The following SLC25A17 variants were observed in gnomAD, a reference collection of about 807,000 sequenced individuals.
SLC25A17 encodes peroxisomal membrane protein PMP34.
SLC25A17 carries 26 observed loss-of-function variants against 38.5 expected under a neutral mutation model. The observed-to-expected ratio is 0.68, with a 90% CI of 0.50 to 0.94. The LOEUF (loss-of-function observed/expected upper bound fraction) is 0.94, where lower values mean the gene tolerates loss of function less well. Ranked by LOEUF, SLC25A17 falls within the 40% of genes least tolerant of loss-of-function variation. The probability of loss-of-function intolerance (pLI) is 0.00; values close to 1 mark genes in which losing one functional copy is unlikely to be tolerated. For missense variants in SLC25A17, 333 were observed against 372.7 expected, an observed-to-expected ratio of 0.89 and a Z score of 0.88; for synonymous variants, 139 against 136.2, an observed-to-expected ratio of 1.02 and a Z score of -0.14.
In SLC25A17 at chr22:40,773,950, G is replaced by A. The variant is rs374562777; in HGVS notation, c.763C>T (p.His255Tyr). Residue 255 changes from histidine (H) to tyrosine (Y), a missense_variant, in exon 8 of 9, where the codon CAC becomes TAC. His to Tyr is a moderately conservative substitution (Grantham distance 83, BLOSUM62 2). Transcript: ENST00000435456. The part of the protein sequence containing the change: ...GSLRNILYLL[H>Y]QRVRRFGIMG... ...TACAAAGCTCACCTTACTCGTTGGTGAAGAAGATAGAGAATATTCCGAAGA... is the reference window on the plus strand; with the variant it reads ...TACAAAGCTCACCTTACTCGTTGGTAAAGAAGATAGAGAATATTCCGAAGA... The A allele has an allele frequency of 8.1e-6, 13 of 1,608,924 alleles. No individual in the cohort carries two copies. The highest frequency in any genetic ancestry group is 1.3e-5 in the African/African-American group (1 of 74,816).
At chr22:40,797,472 T>G (rs903115987) in intron 2 of SLC25A17, 1 of 428,102 alleles carries the variant, frequency 2.3e-6, no homozygotes, top group African/African-American at 2.1e-5. Context: ...TGCCTCTTCT[T>G]TTGACACCAT....
At chr22:40,787,656 T>C (rs1468157628) in intron 4 of SLC25A17, among the ~76,000 whole-genome samples, 1 of 152,130 alleles carries the variant, frequency 6.6e-6, no homozygotes, top group African/African-American at 2.4e-5. Flanking sequence ...AAAACAGACT[T>C]AGAGTTTCAG....
chr22:40,797,428 G>A (rs1417917174), intron 2 of SLC25A17: 21 of 553,880 alleles, frequency 3.8e-5, no homozygotes, highest in Non-Finnish European at 6.9e-5. Context: ...ATTAGCAATG[G>A]CATTGAGTAT....
rs118073679 is a variant in SLC25A17, at chr22:40,814,196, A to G, written c.54+4999T>C. Among the ~76,000 whole-genome samples, 24 of 152,356 alleles carry G rather than the reference A, an allele frequency of 1.6e-4. No homozygotes were observed. The East Asian group carries it at 4.6e-3, about 29-fold the overall frequency. On this transcript the variant is annotated intron_variant, in intron 1 of 8. Transcript: ENST00000435456. ...GTCCTTACCAGAAGACTCTGTGACC[A>G]TAAAAAGAACAGGACTTAAAAAACT...
At chr22:40,794,375 T>A (rs6002138) in intron 3 of SLC25A17, 139 bp downstream of exon 3, 1 of 555,906 alleles carries the variant, frequency 1.8e-6, no homozygotes, top group East Asian at 3.0e-5. Flanking sequence ...AAAACAATTA[T>A]GTACTTATAA....
chr22:40,810,571 T>C (rs2057571303), intron 1 of SLC25A17, among the ~76,000 whole-genome samples: 1 of 152,114 alleles, frequency 6.6e-6, no homozygotes, highest in African/African-American at 2.4e-5. Context: ...AGCCTCAAAC[T>C]CCCAACCTCA....
chr22:40,777,107 C>T lies in SLC25A17; in HGVS notation c.626G>A (p.Gly209Asp), dbSNP rs750584554. Residue 209 changes from glycine to aspartate, a missense_variant, in exon 7 of 9, where the codon GGT (glycine) becomes GAT (aspartate). Gly to Asp is a moderately conservative substitution (Grantham distance 94). Coordinates refer to ENST00000435456, the MANE Select transcript of SLC25A17 (RefSeq NM_006358.4). The part of the protein sequence containing the change: ...KLSSLDVFII[G>D]AVAKAIATTV... ...GGTGGCAATCGCTTTGGCTACTGCA[C>T]CAATGATGAACACATCCAAGGAAGA... 2 of 1,614,060 alleles carry T rather than the reference C, an allele frequency of 1.2e-6. No individual in the cohort carries two copies. The highest frequency in any genetic ancestry group is 1.7e-6 in the Non-Finnish European group (2 of 1,180,008).
intron 1 of SLC25A17, among the ~76,000 whole-genome samples, chr22:40,814,804 GTTGTT>G (rs1225293128): frequency 2.1e-5 from 3 of 141,438 alleles, no homozygotes; most frequent in South Asian, 2.2e-4. Context: ...TGTTGTTGTT[GTTGTT>G]TTGTTTTGTT....
chr22:40,772,570 T>C lies in SLC25A17; in HGVS notation c.776+1367A>G, dbSNP rs1336321335. On this transcript the variant is annotated intron_variant, in intron 8 of 8. Transcript: ENST00000435456. ...TGCCTGCCTTGGCCTCCTAAAGTGCTGGGATTATAGGTGTGAGCCACCACG... is the reference window on the plus strand; with the variant it reads ...TGCCTGCCTTGGCCTCCTAAAGTGCCGGGATTATAGGTGTGAGCCACCACG... Among the ~76,000 whole-genome samples the C allele has an allele frequency of 2.6e-5, 4 of 152,272 alleles. No individual in the cohort carries two copies. In the East Asian group the frequency reaches 7.7e-4, roughly 29 times the overall value.
chr22:40,775,436 GTTTTTTTTTTTTTTTTT>G (rs71200615), intron 7 of SLC25A17, among the ~76,000 whole-genome samples: 22 of 86,858 alleles, frequency 2.5e-4, no homozygotes, highest in South Asian at 1.6e-3. Context: ...AGATCTGATG[GTTTTTTTTTTTTTTTTT>G]TTTTTTTTTT....
rs150083470 is a variant in SLC25A17 at position 40,790,183 on chromosome 22, T to C, written c.334+2342A>G. Among the ~76,000 whole-genome samples, 1,456 of 151,094 alleles carry C rather than the reference T, an allele frequency of 9.6e-3. 25 individuals carry two copies. Among genetic ancestry groups the C allele is most frequent in the Middle Eastern group, 0.01 (3 of 288 alleles). On this transcript the variant is annotated intron_variant, in intron 4 of 8. Coordinates refer to ENST00000435456, the MANE Select transcript of SLC25A17 (RefSeq NM_006358.4). ...GGTGAAACCCTATCTTTACTAAAAA[T>C]ATAAAAAATTAGCTGGGCATGGTGG...
In SLC25A17 at chr22:40,786,404, G is replaced by A. The variant is rs117242909; in HGVS notation, c.334+6121C>T. On this transcript the variant is annotated intron_variant, in intron 4 of 8. Coordinates refer to ENST00000435456, the MANE Select transcript of SLC25A17 (RefSeq NM_006358.4). ...GAGGTGGTGGTGGAGAGGAAAGTAC[G>A]GTTACTTCGCATATCTTAGGGGAAG... 1.6e-3 allele frequency among the ~76,000 whole-genome samples: 241 copies of A among 152,094 alleles called. 2 individuals carry two copies. The East Asian group carries it at 0.018, about 11-fold the overall frequency.
At chr22:40,787,300 T>C (rs2057347257) in intron 4 of SLC25A17, among the ~76,000 whole-genome samples, 1 of 151,944 alleles carries the variant, frequency 6.6e-6, no homozygotes, top group Non-Finnish European at 1.5e-5. Context: ...ACTCACAGAT[T>C]GGCATGGAAG....
In SLC25A17 at chr22:40,774,059, T is replaced by A. The variant is rs2076674; in HGVS notation, c.694-40A>T. The A allele has an allele frequency of 5.6e-5, 71 of 1,268,202 alleles. No individual in the cohort carries two copies. In the African/African-American group the frequency reaches 9.3e-4, roughly 17 times the overall value. 78.6% of individuals were successfully genotyped at this position (1,268,202 alleles called of 1,614,324 possible). A position where few individuals can be genotyped will look rare whatever the true frequency, so the allele number is the denominator to read the frequency against. ...AAAAAAAACAAAAGTACTGTTGCTGTTTTTTAAAATCTTCATTTTTACCTG... is the reference window on the plus strand; with the variant it reads ...AAAAAAAACAAAAGTACTGTTGCTGATTTTTAAAATCTTCATTTTTACCTG... On this transcript the variant is annotated intron_variant, in intron 7 of 8. Coordinates refer to ENST00000435456, the MANE Select transcript of SLC25A17 (RefSeq NM_006358.4).
At chr22:40,787,185 G>A (rs900102772) in intron 4 of SLC25A17, among the ~76,000 whole-genome samples, 1 of 150,062 alleles carries the variant, frequency 6.7e-6, no homozygotes. Flanking sequence ...AGAATAAAGG[G>A]ATGAATGGGA....
Position 40,789,619 on chromosome 22 carries a change from G to A in SLC25A17, c.334+2906C>T, listed in dbSNP as rs999980177. On this transcript the variant is annotated intron_variant, in intron 4 of 8. Coordinates refer to ENST00000435456, the MANE Select transcript of SLC25A17 (RefSeq NM_006358.4). This position sits in a 1 kb window ranked among gnomAD's most constrained non-coding sequence, Gnocchi z 4.5. Reference sequence around the variant, plus strand: ...CCTGCCAGGTTCAAACAATTCTCCTGCCTCAGTCTCCCAAGTAGGTGGAAT... The same window carrying A: ...CCTGCCAGGTTCAAACAATTCTCCTACCTCAGTCTCCCAAGTAGGTGGAAT... Among the ~76,000 whole-genome samples the A allele has an allele frequency of 1.3e-5, 2 of 151,986 alleles. No homozygotes were observed. The highest frequency in any genetic ancestry group is 4.8e-5 in the African/African-American group (2 of 41,374).
chr22:40,782,031 C>T lies in SLC25A17; in HGVS notation c.335-2906G>A, dbSNP rs191179939. 6.6e-3 allele frequency among the ~76,000 whole-genome samples: 1,006 copies of T among 152,230 alleles called. 4 individuals carry two copies. The highest frequency in any genetic ancestry group is 0.011 in the Non-Finnish European group (745 of 68,016). On this transcript the variant is annotated intron_variant, in intron 4 of 8. Coordinates refer to ENST00000435456, the MANE Select transcript of SLC25A17 (RefSeq NM_006358.4). ...GGTCAGGAGTTAGAGACCAGCCTGG[C>T]CAACACGGCGAAACCCTGTTTCTAC...
At chr22:40,806,820 G>A (rs1436902512) in intron 1 of SLC25A17, among the ~76,000 whole-genome samples, 1 of 152,136 alleles carries the variant, frequency 6.6e-6, no homozygotes, top group African/African-American at 2.4e-5. Flanking sequence ...CATGTAACCT[G>A]TGACTTTTTG....
chr22:40,775,300 C>T (rs2057229837), intron 7 of SLC25A17, among the ~76,000 whole-genome samples: 2 of 152,094 alleles, frequency 1.3e-5, no homozygotes, highest in Admixed American at 1.3e-4. Flanking sequence ...TTGGCTGTGT[C>T]CCCATCCAAA....
Sources: allele counts gnomAD v4.1 joint callset (sites outside exome capture counted in the v4.1 genomes callset), GRCh38; gene constraint gnomAD v4.1.1; non-coding constraint Gnocchi (gnomAD v3.1); transcripts MANE v1.5; gene names NCBI Gene and HGNC (gene_info 2026-07-23, HGNC 2026-07-21).